The following CSMD1 variants were observed in gnomAD, a reference collection of about 807,000 sequenced individuals.
The protein encoded by CSMD1 is CUB and Sushi multiple domains 1, also known as CUB and sushi domain-containing protein 1.
A neutral mutation model predicts 417.5 loss-of-function variants in CSMD1; 213 were observed. That is an observed-to-expected ratio of 0.51 (90% confidence interval 0.46 to 0.57). CSMD1 has a LOEUF of 0.57. Ranked by LOEUF, CSMD1 falls within the 20% of genes least tolerant of loss-of-function variation. The pLI, the probability that CSMD1 is intolerant of heterozygous loss-of-function variation, is 0.00. For synonymous variants in CSMD1, 2,862 were observed against 1,736.8 expected, an observed-to-expected ratio of 1.65 and a Z score of -16.11; for missense variants, 6,923 against 4,529.7, an observed-to-expected ratio of 1.53 and a Z score of -15.17.
intron 26 of CSMD1, among the ~76,000 whole-genome samples, chr8:3,262,190 T>TAC (rs1202900140): frequency 0.028 from 1,287 of 46,246 alleles, 28 homozygotes; most frequent in African/African-American, 0.039. Flanking sequence ...TATGAATATA[T>TAC]ATATATATAT....
intron 49 of CSMD1, among the ~76,000 whole-genome samples, chr8:3,056,344 C>T (rs1056927177): frequency 5.9e-5 from 9 of 152,196 alleles, no homozygotes; most frequent in South Asian, 2.1e-4. Context: ...ACTTTGTTTC[C>T]GCAGGCTTAA....
In CSMD1 at chr8:4,139,436, A is replaced by G. The variant is rs946160891; in HGVS notation, c.416-107337T>C. Among the ~76,000 whole-genome samples, 21 of 151,608 alleles carry G rather than the reference A, an allele frequency of 1.4e-4. 3 individuals carry two copies. The highest frequency in any genetic ancestry group is 5.1e-4 in the African/African-American group (21 of 40,888). On this transcript the variant is annotated intron_variant, in intron 3 of 69. Transcript: ENST00000635120. Reference sequence around the variant, plus strand: ...AAGCACTGGAGGTAAAGAACGAAGGAAGACTCTATGCCTGCCCTGGAGGCG... The same window carrying G: ...AAGCACTGGAGGTAAAGAACGAAGGGAGACTCTATGCCTGCCCTGGAGGCG...
intron 2 of CSMD1, among the ~76,000 whole-genome samples, chr8:4,446,062 C>A (rs967223171): frequency 3.3e-5 from 5 of 152,158 alleles, no homozygotes; most frequent in African/African-American, 9.7e-5. Flanking sequence ...GGAGACGAGG[C>A]TGTTTCATAG....
intron 5 of CSMD1, among the ~76,000 whole-genome samples, chr8:3,852,306 T>C (rs1382535902): frequency 6.6e-6 from 1 of 151,270 alleles, no homozygotes; most frequent in Non-Finnish European, 1.5e-5. Context: ...GAATCAGAGG[T>C]GGGGTTTGTA....
chr8:4,078,077 C>A (rs1224759665), intron 3 of CSMD1, among the ~76,000 whole-genome samples: 1 of 151,972 alleles, frequency 6.6e-6, no homozygotes, highest in Non-Finnish European at 1.5e-5. Flanking sequence ...GTAAGAAATG[C>A]CTACATGCCA....
chr8:4,341,811 C>G (rs1800493737), intron 3 of CSMD1, among the ~76,000 whole-genome samples: 1 of 152,084 alleles, frequency 6.6e-6, no homozygotes, highest in Non-Finnish European at 1.5e-5. Flanking sequence ...GTTCACATGA[C>G]TTAACGAGCA....
At chr8:3,346,838 T>C (rs2593606) in intron 22 of CSMD1, among the ~76,000 whole-genome samples, 99,796 of 152,164 alleles carry the variant, frequency 0.66, 33,292 homozygotes, top group East Asian at 0.81. Context: ...TCTACGTAGA[T>C]GTAAATTAAT....
chr8:4,231,695 T>C lies in CSMD1; in HGVS notation c.415+188258A>G, dbSNP rs137874433. Among the ~76,000 whole-genome samples, 188 of 152,332 alleles carry C rather than the reference T, an allele frequency of 1.2e-3. 3 individuals carry two copies. In the East Asian group the frequency reaches 0.021, roughly 17 times the overall value. The stretch of plus-strand genomic sequence containing the variant: ...CAAGCTGTGGGCTTATGACTACAGT[T>C]AATAAGCCAAGTCTTAAGAATGTGA... On this transcript the variant is annotated intron_variant, in intron 3 of 69. Transcript: ENST00000635120.
At chr8:4,164,829 T>C (rs1020704831) in intron 3 of CSMD1, among the ~76,000 whole-genome samples, 2 of 151,580 alleles carry the variant, frequency 1.3e-5, no homozygotes, top group South Asian at 2.1e-4. Context: ...TGAGCTGACA[T>C]TGTGCCACTG....
chr8:3,332,568 T>C (rs916574287), intron 23 of CSMD1, among the ~76,000 whole-genome samples: 2 of 152,246 alleles, frequency 1.3e-5, no homozygotes, highest in Non-Finnish European at 2.9e-5. Context: ...TTAACTACTG[T>C]AAGCTGAAAT....
intron 3 of CSMD1, among the ~76,000 whole-genome samples, chr8:4,372,925 T>A (rs1277318928): frequency 1.3e-5 from 2 of 152,170 alleles, no homozygotes; most frequent in Non-Finnish European, 2.9e-5. Flanking sequence ...TAAGCATGAG[T>A]AGCACATAGT....
chr8:4,431,293 T>A lies in CSMD1; in HGVS notation c.303-11228A>T, dbSNP rs150438645. Among the ~76,000 whole-genome samples, 311 of 152,302 alleles carry A rather than the reference T, an allele frequency of 2.0e-3. 3 individuals are homozygous for A. Among genetic ancestry groups the A allele is most frequent in the South Asian group, 0.012 (58 of 4,828 alleles). Reference sequence around the variant, plus strand: ...ATATGCAAATTTATTTTATCATATCTCACAAACTGTATTTTTACTTCGTGA... The same window carrying A: ...ATATGCAAATTTATTTTATCATATCACACAAACTGTATTTTTACTTCGTGA... On this transcript the variant is annotated intron_variant, in intron 2 of 69. Transcript: ENST00000635120.
At chr8:4,038,410 A>G (rs1380011025) in intron 3 of CSMD1, among the ~76,000 whole-genome samples, 1 of 152,242 alleles carries the variant, frequency 6.6e-6, no homozygotes, top group East Asian at 1.9e-4. Flanking sequence ...AGGTCTATGC[A>G]AAGATTCAAG....
At chr8:3,270,652 C>G (rs17079719) in intron 26 of CSMD1, among the ~76,000 whole-genome samples, 6,828 of 152,218 alleles carry the variant, frequency 0.045, 508 homozygotes, top group African/African-American at 0.15. Flanking sequence ...CAAAGCAAGT[C>G]TACAGTATCA....
chr8:4,459,475 A>G (rs1168949881), intron 2 of CSMD1, among the ~76,000 whole-genome samples: 1 of 152,222 alleles, frequency 6.6e-6, no homozygotes, highest in African/African-American at 2.4e-5. Flanking sequence ...AGAGGGCAGG[A>G]AATTCAAATC....
At chr8:3,031,229 C>A (rs1378060867) in intron 50 of CSMD1, among the ~76,000 whole-genome samples, 2 of 149,050 alleles carry the variant, frequency 1.3e-5, no homozygotes, top group South Asian at 4.2e-4. Flanking sequence ...AAAACATGCA[C>A]CGCATGTTCT....
intron 3 of CSMD1, among the ~76,000 whole-genome samples, chr8:4,307,412 C>A (rs774665210): frequency 6.6e-6 from 1 of 152,156 alleles, no homozygotes; most frequent in South Asian, 2.1e-4. Context: ...CCACAATTCT[C>A]GTATCACACC....
intron 5 of CSMD1, among the ~76,000 whole-genome samples, chr8:3,800,201 A>C (rs1800381116): frequency 1.3e-5 from 2 of 152,192 alleles, no homozygotes; most frequent in Non-Finnish European, 2.9e-5. Context: ...AGCAGAGAGC[A>C]GAACTTTCAA....
chr8:3,625,910 G>A (rs1164772954), intron 7 of CSMD1, among the ~76,000 whole-genome samples: 3 of 152,114 alleles, frequency 2.0e-5, no homozygotes, highest in Admixed American at 6.6e-5. Context: ...TATCACGGTA[G>A]CAGTAAATGT....
Sources: allele counts gnomAD v4.1 joint callset (sites outside exome capture counted in the v4.1 genomes callset), GRCh38; gene constraint gnomAD v4.1.1; transcripts MANE v1.5; gene names NCBI Gene and HGNC (gene_info 2026-07-23, HGNC 2026-07-21).